Variants in ZNF503 observed in about 807,000 individuals in gnomAD.
ZNF503 encodes the protein NocA-like zinc finger 2.
A neutral mutation model predicts 34.4 loss-of-function variants in ZNF503; 15 were observed. The ratio of observed to expected loss-of-function variants is 0.44; its 90% CI spans 0.29 to 0.67. The LOEUF is 0.67. Among genes scored for constraint, ZNF503 ranks in the 30% least tolerant of loss-of-function variants. The pLI is 0.13. For synonymous variants in ZNF503, 580 were observed against 456.8 expected (o/e 1.27, Z -3.44); for missense variants, 1,007 against 926.8 (o/e 1.09, Z -1.12).
chr10:75,347,860 C>T, the ZNF503 span, among the ~76,000 whole-genome samples: 3 of 152,238 alleles, frequency 2.0e-5, no homozygotes, highest in South Asian at 6.2e-4. Context: ...TCCCTTCTTC[C>T]CAAATTCACC....
At chr10:75,347,012 A>T in the ZNF503 span, among the ~76,000 whole-genome samples, 1 of 152,140 alleles carries the variant, frequency 6.6e-6, no homozygotes, top group South Asian at 2.1e-4. Context: ...GTCTGGGCCA[A>T]CTATTTACTT....
chr10:75,301,936 T>G, the ZNF503 span, among the ~76,000 whole-genome samples: 4 of 152,226 alleles, frequency 2.6e-5, no homozygotes, highest in Non-Finnish European at 5.9e-5. Flanking sequence ...TCTTTTATAT[T>G]TACTAACATA....
the ZNF503 span, among the ~76,000 whole-genome samples, chr10:75,341,682 C>T: frequency 6.6e-6 from 1 of 152,150 alleles, no homozygotes; most frequent in East Asian, 1.9e-4. Context: ...CAAGCAAATA[C>T]ATTACTCAAT....
the ZNF503 span, among the ~76,000 whole-genome samples, chr10:75,366,102 T>C: frequency 6.6e-6 from 1 of 152,340 alleles, no homozygotes; most frequent in Non-Finnish European, 1.5e-5. Context: ...ACTACATAGT[T>C]ATCTACATAG....
At chr10:75,370,464 C>A in the ZNF503 span, among the ~76,000 whole-genome samples, 2 of 152,080 alleles carry the variant, frequency 1.3e-5, no homozygotes, top group African/African-American at 2.4e-5. Context: ...GTGGCCGAAT[C>A]CTGCGGCTGG....
rs1589133896 is a variant in ZNF503, at chr10:75,400,143, A to G, written c.547T>C (p.Ser183Pro). 6.5e-7 allele frequency: 1 copy of G among 1,544,138 alleles called. No individual in the cohort carries two copies. The highest frequency in any genetic ancestry group is 1.7e-4 in the Middle Eastern group (1 of 5,898). Residue 183 changes from serine to proline, a missense_variant, in exon 2 of 2, where the codon TCG (serine) becomes CCG (proline). Transcript: ENST00000372524. ...SSFKPYSKPG[S>P]DKKEPGGGGG... The stretch of plus-strand genomic sequence containing the variant: ...CCGCCTCCCGGCTCCTTCTTATCCG[A>G]GCCGGGTTTGGAGTACGGCTTGAAA...
chr10:75,380,703 T>A, the ZNF503 span, among the ~76,000 whole-genome samples: 4 of 152,176 alleles, frequency 2.6e-5, no homozygotes, highest in African/African-American at 7.2e-5. Context: ...TGCAATCATG[T>A]CAAAGAGCAA....
chr10:75,399,233 G>T lies in ZNF503; in HGVS notation c.1457C>A (p.Ala486Glu), dbSNP rs200222246. The T allele has an allele frequency of 6.3e-7, 1 of 1,590,524 alleles. No homozygotes were observed. The highest frequency in any genetic ancestry group is 2.2e-5 in the East Asian group (1 of 44,458). The change falls in exon 2 of 2, where the codon GCG becomes GAG. Residue 486 changes from alanine (A) to glutamate (E), a missense_variant. Coordinates refer to ENST00000372524, the MANE Select transcript of ZNF503 (RefSeq NM_032772.6). The stretch of plus-strand genomic sequence containing the variant: ...GGAGGGCGGTGTGGCGCCAGCAGCC[G>T]CGGCGGCCGTTAGCGAGGAGTGCAC... ...HGVHSSLTAAAAAGATPPSLA... is the reference protein window; with the variant it reads ...HGVHSSLTAAEAAGATPPSLA...
chr10:75,352,543 G>T, the ZNF503 span, among the ~76,000 whole-genome samples: 1 of 152,196 alleles, frequency 6.6e-6, no homozygotes, highest in South Asian at 2.1e-4. Flanking sequence ...TCCACTTGAC[G>T]TGAGCCTCTC....
rs1323708084 is a variant in ZNF503, at chr10:75,397,964, A to C, written c.*785T>G. 1 of 152,622 alleles carries C rather than the reference A, an allele frequency of 6.6e-6. No individual in the cohort carries two copies. Among genetic ancestry groups the C allele is most frequent in the African/African-American group, 2.4e-5 (1 of 41,436 alleles). The allele number at this position is 152,622 out of a possible 1,614,324, so 9.5% of individuals were successfully genotyped here. ...TGGACTTAAAAATTAAAAATAGTTA[A>C]GTGTTCCTTTTAAAGAACAAAATAA... On this transcript the variant is annotated 3_prime_UTR_variant, in exon 2 of 2. Coordinates refer to ENST00000372524, the MANE Select transcript of ZNF503 (RefSeq NM_032772.6).
At chr10:75,382,930 T>C in the ZNF503 span, 1 of 216,300 alleles carries the variant, frequency 4.6e-6, no homozygotes, top group Non-Finnish European at 9.6e-6. Context: ...TCTGACCTCA[T>C]GTTCTAGGGA....
Position 75,399,882 on chromosome 10 carries a change from C to G in ZNF503, c.808G>C (p.Ala270Pro), listed in dbSNP as rs561886749. 1.3e-6 allele frequency: 2 copies of G among 1,599,858 alleles called. No homozygotes were observed. The highest frequency in any genetic ancestry group is 1.7e-5 in the Admixed American group (1 of 58,992). Residue 270 changes from alanine (A) to proline (P), a missense_variant, in exon 2 of 2, where the codon GCC (alanine) becomes CCC (proline). Physicochemically the swap from Ala to Pro is conservative, Grantham distance 27 (BLOSUM62 -1). Coordinates refer to ENST00000372524, the MANE Select transcript of ZNF503 (RefSeq NM_032772.6). ...CCCGTGGGTCCCCCTTCGGCCGAGG[C>G]GCCCCCGGTGCCCTTGCCACCGCCG... ...VGGGGKGTGG[A>P]SAEGGPTGLA...
the ZNF503 span, among the ~76,000 whole-genome samples, chr10:75,298,007 T>C: frequency 1.3e-5 from 2 of 152,212 alleles, no homozygotes; most frequent in Non-Finnish European, 2.9e-5. Flanking sequence ...AAATGAACAA[T>C]CCAATGATTT....
At chr10:75,337,985 T>A in the ZNF503 span, among the ~76,000 whole-genome samples, 1 of 152,342 alleles carries the variant, frequency 6.6e-6, no homozygotes, top group Admixed American at 6.5e-5. Context: ...TAGGATTTTA[T>A]TACCCATGCA....
At position 75,399,934 on chromosome 10, in the gene ZNF503, C is replaced by T. The variant is rs771490811; in HGVS notation, c.756G>A (p.Lys252=). 16 of 1,606,642 alleles carry T rather than the reference C, an allele frequency of 1.0e-5. No homozygotes were observed. The highest frequency in any genetic ancestry group is 2.2e-5 in the South Asian group (2 of 90,842). The change falls in exon 2 of 2, where the codon AAG becomes AAA. Residue 252 remains lysine, a synonymous_variant. Transcript: ENST00000372524. The part of the protein sequence containing the change: ...LSSAGGAPEG[K]DDKKDTDVGG... The stretch of plus-strand genomic sequence containing the variant: ...CCACGTCGGTGTCTTTCTTGTCGTC[C>T]TTGCCCTCCGGGGCACCCCCGGCCG...
chr10:75,376,722 G>C, the ZNF503 span, among the ~76,000 whole-genome samples: 1 of 152,240 alleles, frequency 6.6e-6, no homozygotes, highest in South Asian at 2.1e-4. Flanking sequence ...ACAATTCTGC[G>C]TGGCTGGGGA....
chr10:75,351,864 T>C, the ZNF503 span, among the ~76,000 whole-genome samples: 1 of 152,206 alleles, frequency 6.6e-6, no homozygotes, highest in Non-Finnish European at 1.5e-5. Context: ...TGAATTGCTT[T>C]ACCTCTCTGG....
At chr10:75,392,371 G>T in the ZNF503 span, among the ~76,000 whole-genome samples, 1 of 152,224 alleles carries the variant, frequency 6.6e-6, no homozygotes, top group African/African-American at 2.4e-5. Context: ...CTGGTACAGT[G>T]ACCTTTATAT....
the ZNF503 span, among the ~76,000 whole-genome samples, chr10:75,289,044 G>A: frequency 6.6e-6 from 1 of 152,154 alleles, no homozygotes; most frequent in Non-Finnish European, 1.5e-5. Context: ...ACTGCCTCAG[G>A]GCTATGGAAA....
Sources: gnomAD v4.1 joint callset for allele counts (sites outside exome capture counted in the v4.1 genomes callset) on GRCh38, gnomAD v4.1.1 for gene constraint, MANE v1.5 for transcripts, NCBI Gene and HGNC (gene_info 2026-07-23, HGNC 2026-07-21) for gene names.